TNFAIP8L3: variants seen among roughly 807,000 people sequenced by gnomAD.
TNFAIP8L3 encodes the protein tumor necrosis factor alpha-induced protein 8-like protein 3.
TNFAIP8L3 carries 7 observed loss-of-function variants against 11.8 expected under a neutral mutation model. That is an observed-to-expected ratio of 0.59 (90% CI 0.34 to 1.11). The LOEUF is 1.11. TNFAIP8L3 is among the 50% of genes most tolerant of loss of function. TNFAIP8L3 has a pLI of 0.03. For synonymous variants in TNFAIP8L3, 98 were observed against 103.8 expected (o/e 0.94, Z 0.34); for missense variants, 219 against 258.6 (o/e 0.85, Z 1.05).
intron 1 of TNFAIP8L3, among the ~76,000 whole-genome samples, chr15:51,091,957 G>T (rs1217712786): frequency 6.6e-6 from 1 of 152,106 alleles, no homozygotes; most frequent in East Asian, 1.9e-4. Flanking sequence ...AACACCTCTC[G>T]TGTTATTATA....
chr15:51,101,945 C>CAAAAAAA (rs11297566), intron 1 of TNFAIP8L3, among the ~76,000 whole-genome samples: 7 of 85,702 alleles, frequency 8.2e-5, no homozygotes, highest in African/African-American at 3.1e-4. Context: ...GACTCTGTCT[C>CAAAAAAA]AAAAAAAAAA....
intron 1 of TNFAIP8L3, among the ~76,000 whole-genome samples, chr15:51,091,673 C>G (rs74013133): frequency 0.028 from 2,603 of 92,064 alleles, 98 homozygotes; most frequent in African/African-American, 0.086. Flanking sequence ...AAGACCTCCT[C>G]AAGCACACAC....
chr15:51,089,839 A>C (rs2065454978), intron 1 of TNFAIP8L3, among the ~76,000 whole-genome samples: 1 of 152,220 alleles, frequency 6.6e-6, no homozygotes, highest in Non-Finnish European at 1.5e-5. Flanking sequence ...TGAGGCAGAG[A>C]TCCGTGCAAA....
intron 1 of TNFAIP8L3, among the ~76,000 whole-genome samples, chr15:51,075,619 C>T (rs2065344493): frequency 6.6e-6 from 1 of 152,160 alleles, no homozygotes; most frequent in Non-Finnish European, 1.5e-5. Context: ...CAGTAGGATG[C>T]CACATTCAGA....
At chr15:51,066,476 T>C (rs2065273246) in intron 1 of TNFAIP8L3, among the ~76,000 whole-genome samples, 1 of 152,204 alleles carries the variant, frequency 6.6e-6, no homozygotes, top group Non-Finnish European at 1.5e-5. Context: ...ACTTGAACTT[T>C]CATGATGAGC....
At chr15:51,078,844 A>G (rs1345849321) in intron 1 of TNFAIP8L3, among the ~76,000 whole-genome samples, 4 of 151,954 alleles carry the variant, frequency 2.6e-5, no homozygotes, top group Non-Finnish European at 5.9e-5. Flanking sequence ...CTTCTGTAAC[A>G]TCTTTAAATG....
intron 1 of TNFAIP8L3, among the ~76,000 whole-genome samples, chr15:51,061,965 C>G (rs1257442472): frequency 2.0e-5 from 3 of 152,032 alleles, no homozygotes; most frequent in African/African-American, 7.2e-5. Flanking sequence ...AGGTTTTGTA[C>G]CCCCAGGGCA....
At chr15:51,101,806 C>A (rs551067869) in intron 1 of TNFAIP8L3, among the ~76,000 whole-genome samples, 2 of 150,576 alleles carry the variant, frequency 1.3e-5, no homozygotes, top group Admixed American at 1.3e-4. Flanking sequence ...ATTAGCGAGG[C>A]GTGATGGCGG....
At chr15:51,069,693 G>C (rs1450202191) in intron 1 of TNFAIP8L3, 1 of 152,222 alleles carries the variant, frequency 6.6e-6, no homozygotes, top group Admixed American at 6.5e-5. Context: ...CCATGTATCT[G>C]ATCCTCACAA....
chr15:51,062,214 C>A (rs1329005385), intron 1 of TNFAIP8L3, among the ~76,000 whole-genome samples: 2 of 152,008 alleles, frequency 1.3e-5, no homozygotes, highest in Admixed American at 1.3e-4. Flanking sequence ...GTTGAGGCTG[C>A]AGTGAGCTGT....
intron 1 of TNFAIP8L3, among the ~76,000 whole-genome samples, chr15:51,088,883 A>G (rs2065447668): frequency 6.6e-6 from 1 of 152,242 alleles, no homozygotes; most frequent in South Asian, 2.1e-4. Flanking sequence ...TGGAGGGAAC[A>G]GCCTCACTCA....
intron 1 of TNFAIP8L3, among the ~76,000 whole-genome samples, chr15:51,100,193 G>A (rs141753153): frequency 1.4e-3 from 209 of 152,312 alleles, no homozygotes; most frequent in African/African-American, 4.8e-3. Flanking sequence ...GAAGGGAAGT[G>A]ACTGTCACAG....
At chr15:51,062,277 A>AAAAATAAAATAAAATAAAAT (rs145219063) in intron 1 of TNFAIP8L3, among the ~76,000 whole-genome samples, 5 of 149,520 alleles carry the variant, frequency 3.3e-5, no homozygotes, top group South Asian at 2.2e-4. Flanking sequence ...CTGTCTCAAT[A>AAAAATAAAATAAAATAAAAT]AAAATAAAAT....
At chr15:51,099,844 CTTTGTGGT>C (rs749053870), upstream of TNFAIP8L3, among the ~76,000 whole-genome samples, 34 of 152,186 alleles carry the variant, frequency 2.2e-4, no homozygotes, top group Non-Finnish European at 4.3e-4. Flanking sequence ...CAACTAGAGT[CTTTGTGGT>C]TTTCAGGATG....
chr15:51,096,313 G>T (rs1595621686), upstream of TNFAIP8L3, among the ~76,000 whole-genome samples: 1 of 152,154 alleles, frequency 6.6e-6, no homozygotes, highest in Non-Finnish European at 1.5e-5. Flanking sequence ...CCAAGCTCAT[G>T]GACTCTAGTG....
chr15:51,096,344 G>A (rs2065513663), upstream of TNFAIP8L3, among the ~76,000 whole-genome samples: 1 of 152,206 alleles, frequency 6.6e-6, no homozygotes, highest in Non-Finnish European at 1.5e-5. Context: ...GATGGATATT[G>A]ATGAAATGGT....
At chr15:51,078,429 G>T (rs1054490010) in intron 1 of TNFAIP8L3, among the ~76,000 whole-genome samples, 6 of 151,996 alleles carry the variant, frequency 3.9e-5, no homozygotes, top group African/African-American at 1.5e-4. Context: ...TGTTGGTCTT[G>T]CTTTCCTAAC....
chr15:51,080,588 T>C (rs1002412372), intron 1 of TNFAIP8L3, among the ~76,000 whole-genome samples: 3 of 152,264 alleles, frequency 2.0e-5, no homozygotes, highest in Non-Finnish European at 4.4e-5. Flanking sequence ...TTTTCTTAAT[T>C]TGGTCCTCGG....
intron 1 of TNFAIP8L3, among the ~76,000 whole-genome samples, chr15:51,088,190 T>TAATG (rs1442616138): frequency 6.6e-6 from 1 of 151,904 alleles, no homozygotes; most frequent in Non-Finnish European, 1.5e-5. Flanking sequence ...GAGCCAAGGG[T>TAATG]AATGCTGAAG....
Sources: gnomAD v4.1 joint callset for allele counts (sites outside exome capture counted in the v4.1 genomes callset) on GRCh38, gnomAD v4.1.1 for gene constraint, MANE v1.5 for transcripts, NCBI Gene and HGNC (gene_info 2026-07-23, HGNC 2026-07-21) for gene names.